The following FKBP15 variants were observed in gnomAD, a reference collection of about 807,000 sequenced individuals.
FKBP15 encodes FKBP prolyl isomerase family member 15, also known as FK506-binding protein 15.
FKBP15 carries 106 observed loss-of-function variants against 158.1 expected under a neutral mutation model. The ratio of observed to expected loss-of-function variants is 0.67; its 90% CI spans 0.57 to 0.79. The LOEUF is 0.79. Among genes scored for constraint, FKBP15 ranks in the 30% least tolerant of loss-of-function variants. The pLI is 0.00. For synonymous variants in FKBP15, 547 were observed against 548.6 expected (o/e 1.00, Z 0.04); for missense variants, 1,287 against 1,479.1 (o/e 0.87, Z 2.13).
At chr9:113,179,838 T>C (rs1254552965) in intron 19 of FKBP15, among the ~76,000 whole-genome samples, 1 of 152,214 alleles carries the variant, frequency 6.6e-6, no homozygotes, top group Non-Finnish European at 1.5e-5. Flanking sequence ...AGAGTATATG[T>C]AACCTTTAGA....
chr9:113,181,656 A>C (rs1309043367), intron 19 of FKBP15, among the ~76,000 whole-genome samples: 1 of 152,216 alleles, frequency 6.6e-6, no homozygotes, highest in Non-Finnish European at 1.5e-5. Context: ...GATCTGGAAC[A>C]AGTTACAGTA....
At chr9:113,219,571 G>C (rs891251899) in intron 1 of FKBP15, among the ~76,000 whole-genome samples, 16 of 152,052 alleles carry the variant, frequency 1.1e-4, no homozygotes, top group African/African-American at 3.9e-4. Context: ...CTATGTCTAG[G>C]AGCACAGTCA....
chr9:113,170,324 G>A (rs1460261199), intron 25 of FKBP15, among the ~76,000 whole-genome samples, 198 bp downstream of exon 25: 10 of 152,080 alleles, frequency 6.6e-5, no homozygotes, highest in African/African-American at 2.4e-4. Context: ...TAGAGACAAA[G>A]TCTCATTATG....
rs962945234 is a variant in FKBP15 at position 113,161,794 on chromosome 9, A to G, written c.*4284T>C. ...GCATTAGCCCCACTTCACAGAGAGG[A>G]CAGCGAGGCCCAGGGAAGGACCAGG... On this transcript the variant is annotated 3_prime_UTR_variant, in exon 28 of 28. Transcript: ENST00000238256. 1.5e-6 allele frequency: 2 copies of G among 1,370,802 alleles called. No individual in the cohort carries two copies. Among genetic ancestry groups the G allele is most frequent in the Non-Finnish European group, 2.1e-6 (2 of 972,730 alleles). The allele number at this position is 1,370,802 out of a possible 1,614,324, so 84.9% of individuals were successfully genotyped here.
intron 1 of FKBP15, among the ~76,000 whole-genome samples, chr9:113,213,751 G>A (rs10114423): frequency 0.34 from 50,976 of 151,854 alleles, 8,717 homozygotes; most frequent in African/African-American, 0.39. Context: ...TTCACCACAT[G>A]CAGCCCTTCT....
rs1340584192 is a variant in FKBP15 at position 113,197,200 on chromosome 9, C to A, written c.718-122G>T. ...ACGTTTACTCAGTGCCTCCAGAGGT[C>A]GGGTCTGACTACTGCCCCATGTTGG... is the stretch of plus-strand genomic sequence containing the variant. On this transcript the variant is annotated intron_variant, in intron 8 of 27. Transcript: ENST00000238256. 6 of 1,187,078 alleles carry A rather than the reference C, an allele frequency of 5.1e-6. No homozygotes were observed. In the East Asian group the frequency reaches 1.4e-4, roughly 28 times the overall value. 73.5% of individuals were successfully genotyped at this position (1,187,078 alleles called of 1,614,324 possible).
At chr9:113,186,163 C>T in intron 15 of FKBP15, 86 bp downstream of exon 15, 1 of 859,244 alleles carries the variant, frequency 1.2e-6, no homozygotes, top group Non-Finnish European at 1.9e-6. Context: ...GAGTAGAGAG[C>T]TGTTGGTGTG....
chr9:113,161,803 C>A lies in FKBP15; in HGVS notation c.*4275G>T. 7.7e-7 allele frequency: 1 copy of A among 1,298,814 alleles called. No homozygotes were observed. Among genetic ancestry groups the A allele is most frequent in the Non-Finnish European group, 1.1e-6 (1 of 911,666 alleles). The allele number at this position is 1,298,814 out of a possible 1,614,324, so 80.5% of individuals were successfully genotyped here. A position where few individuals can be genotyped will look rare whatever the true frequency, so the allele number is the denominator to read the frequency against. On this transcript the variant is annotated 3_prime_UTR_variant, in exon 28 of 28. Transcript: ENST00000238256. ...CCACTTCACAGAGAGGACAGCGAGGCCCAGGGAAGGACCAGGACTTGCCAA... is the reference window on the plus strand; with the variant it reads ...CCACTTCACAGAGAGGACAGCGAGGACCAGGGAAGGACCAGGACTTGCCAA...
chr9:113,206,636 C>T, intron 3 of FKBP15, 58 bp from the exon 4 acceptor site: 2 of 1,375,174 alleles, frequency 1.5e-6, no homozygotes, highest in South Asian at 2.3e-5. Flanking sequence ...GCAGAACCAG[C>T]TTTCTTTTCT....
intron 26 of FKBP15, 73 bp downstream of exon 26, chr9:113,169,151 A>G: frequency 6.6e-7 from 1 of 1,511,260 alleles, no homozygotes. Flanking sequence ...ATGAGTTGCC[A>G]GCCCTGGAAA....
At position 113,166,003 on chromosome 9, in the gene FKBP15, G is replaced by A; in HGVS notation, c.*75C>T. On this transcript the variant is annotated 3_prime_UTR_variant, in exon 28 of 28. Transcript: ENST00000238256. ...TTGACCTCACCCTGTGGTTCGCCTA[G>A]ACCCAGGGTTGGCTGTGCAAAATCA... 7.0e-7 allele frequency: 1 copy of A among 1,432,234 alleles called. No homozygotes were observed. The highest frequency in any genetic ancestry group is 9.6e-7 in the Non-Finnish European group (1 of 1,038,422). The allele number at this position is 1,432,234 out of a possible 1,614,324, so 88.7% of individuals were successfully genotyped here.
chr9:113,198,937 G>T lies in FKBP15; in HGVS notation c.649-14C>A. 1 of 1,584,964 alleles carries T rather than the reference G, an allele frequency of 6.3e-7. No individual in the cohort carries two copies. The highest frequency in any genetic ancestry group is 8.6e-7 in the Non-Finnish European group (1 of 1,163,412). On this transcript the variant is annotated splice_polypyrimidine_tract_variant and intron_variant, in intron 7 of 27. Transcript: ENST00000238256. This position sits in a 1 kb window ranked among gnomAD's most constrained non-coding sequence, Gnocchi z 5.2. ...GGAGTCGAAAACCTGCAATTTGATC[G>T]AAGGAAATTAGGCCAGCCAATTTCA...
chr9:113,207,823 TA>T (rs912499807), intron 2 of FKBP15, among the ~76,000 whole-genome samples: 1 of 152,168 alleles, frequency 6.6e-6, no homozygotes, highest in Non-Finnish European at 1.5e-5. Context: ...TGATAGTGCC[TA>T]GGTCTGAAAC....
At chr9:113,208,096 C>A (rs1387978825) in intron 2 of FKBP15, among the ~76,000 whole-genome samples, 1 of 152,204 alleles carries the variant, frequency 6.6e-6, no homozygotes, top group Non-Finnish European at 1.5e-5. Context: ...GTAATCCCAG[C>A]ACTTTGGCAG....
chr9:113,196,381 C>CTT (rs71384299), intron 9 of FKBP15, among the ~76,000 whole-genome samples: 2 of 101,804 alleles, frequency 2.0e-5, no homozygotes, highest in Non-Finnish European at 2.0e-5. Flanking sequence ...GAAGAAGTGA[C>CTT]TTTTTTTTTT....
intron 6 of FKBP15, among the ~76,000 whole-genome samples, chr9:113,201,901 C>T (rs1178528330): frequency 6.6e-6 from 1 of 151,790 alleles, no homozygotes; most frequent in Admixed American, 6.6e-5. Context: ...ACTGTATCTA[C>T]TTATGTATAT....
rs1252108930 is a variant in FKBP15, at chr9:113,161,700, T to C, written c.*4378A>G. The C allele has an allele frequency of 5.0e-6, 8 of 1,613,692 alleles. No individual in the cohort carries two copies. Among genetic ancestry groups the C allele is most frequent in the Non-Finnish European group, 6.8e-6 (8 of 1,179,786 alleles). On this transcript the variant is annotated 3_prime_UTR_variant, in exon 28 of 28. Coordinates refer to ENST00000238256, the MANE Select transcript of FKBP15 (RefSeq NM_015258.2). Reference sequence around the variant, plus strand: ...CCCTGTTGGCAGAACCCACCACAGGTACAGGCAGTGGGTATGGGAAAGGGG... The same window carrying C: ...CCCTGTTGGCAGAACCCACCACAGGCACAGGCAGTGGGTATGGGAAAGGGG...
At position 113,162,794 on chromosome 9, in the gene FKBP15, G is replaced by T. The variant is rs530928965; in HGVS notation, c.*3284C>A. The T allele has an allele frequency of 1.2e-6, 2 of 1,613,818 alleles. No individual in the cohort carries two copies. The highest frequency in any genetic ancestry group is 1.3e-5 in the African/African-American group (1 of 75,002). On this transcript the variant is annotated 3_prime_UTR_variant, in exon 28 of 28. Coordinates refer to ENST00000238256, the MANE Select transcript of FKBP15 (RefSeq NM_015258.2). ...GCCAGTCTCTAATCCATGTCATCCA[G>T]GTGGTCATCGGCTACTTCATCATGC...
In FKBP15 at chr9:113,170,438, A is replaced by AT. The variant is rs564145652; in HGVS notation, c.2766+83dup. 1.1e-4 allele frequency: 114 copies of AT among 1,043,390 alleles called. No homozygotes were observed. The African/African-American group carries it at 1.6e-3, about 15-fold the overall frequency. 64.6% of individuals were successfully genotyped at this position (1,043,390 alleles called of 1,614,324 possible). On this transcript the variant is annotated intron_variant, in intron 25 of 27. Transcript: ENST00000238256. ...TAAGCCACTGTGCCAGCTTTGAACA[A>AT]TTTTTTATTCATGATCCCTTAGAAG...
Sources: allele counts gnomAD v4.1 joint callset (sites outside exome capture counted in the v4.1 genomes callset), GRCh38; gene constraint gnomAD v4.1.1; non-coding constraint Gnocchi (gnomAD v3.1); transcripts MANE v1.5; gene names NCBI Gene and HGNC (gene_info 2026-07-23, HGNC 2026-07-21).